The following RPS6KC1 variants were observed in gnomAD, a reference collection of about 807,000 sequenced individuals.
The protein encoded by RPS6KC1 is ribosomal protein S6 kinase C1.
RPS6KC1 carries 54 observed loss-of-function variants against 103.8 expected under a neutral mutation model. The observed-to-expected ratio is 0.52, with a 90% confidence interval of 0.42 to 0.65. The LOEUF is 0.65. Ranked by LOEUF, RPS6KC1 falls within the 30% of genes least tolerant of loss-of-function variation. RPS6KC1 has a pLI of 0.00. For synonymous variants in RPS6KC1, 439 were observed against 438.7 expected, an observed-to-expected ratio of 1.00 and a Z score of -0.01; for missense variants, 1,151 against 1,253.8, an observed-to-expected ratio of 0.92 and a Z score of 1.24.
At chr1:213,183,958 G>C (rs1271671051) in intron 8 of RPS6KC1, among the ~76,000 whole-genome samples, 1 of 152,058 alleles carries the variant, frequency 6.6e-6, no homozygotes, top group Non-Finnish European at 1.5e-5. Flanking sequence ...ACATCAAAAG[G>C]ATAACAAGGG....
the RPS6KC1 span, among the ~76,000 whole-genome samples, chr1:213,376,057 T>C: frequency 6.3e-4 from 96 of 151,672 alleles, no homozygotes; most frequent in South Asian, 4.2e-4. Context: ...CCAGCCATAT[T>C]GTGTATAATG....
the RPS6KC1 span, among the ~76,000 whole-genome samples, chr1:213,422,401 A>G: frequency 6.6e-6 from 1 of 152,194 alleles, no homozygotes; most frequent in Non-Finnish European, 1.5e-5. Context: ...TCATCTGTCA[A>G]TGAATATCTG....
the RPS6KC1 span, among the ~76,000 whole-genome samples, chr1:213,387,983 G>C: frequency 6.6e-6 from 1 of 152,226 alleles, no homozygotes; most frequent in East Asian, 1.9e-4. Flanking sequence ...ACCTCAGTGT[G>C]AGGAACTGAC....
At chr1:213,790,047 A>G in the RPS6KC1 span, among the ~76,000 whole-genome samples, 1 of 152,198 alleles carries the variant, frequency 6.6e-6, no homozygotes, top group African/African-American at 2.4e-5. Context: ...TTAAGCATCC[A>G]GCCTAATCAC....
At chr1:213,489,233 GGAA>G in the RPS6KC1 span, among the ~76,000 whole-genome samples, 1 of 152,162 alleles carries the variant, frequency 6.6e-6, no homozygotes, top group African/African-American at 2.4e-5. Flanking sequence ...AGGGCTGCTG[GGAA>G]GAAGGAGAAT....
Position 213,241,988 on chromosome 1 carries a change from T to G in RPS6KC1, c.2512T>G (p.Leu838Val). ...TGAATATATTGCAAGCACAGACACT[T>G]TAAAAACAGAAGAAGTATTGCTGTT... ...ANEYIASTDT[L>V]KTEEVLLFTD... Residue 838 changes from leucine to valine, a missense_variant, in exon 11 of 15, where the codon TTA (leucine) becomes GTA (valine). Coordinates refer to ENST00000366960, the MANE Select transcript of RPS6KC1 (RefSeq NM_012424.6). 1 of 1,614,032 alleles carries G rather than the reference T, an allele frequency of 6.2e-7. No homozygotes were observed. Among genetic ancestry groups the G allele is most frequent in the Non-Finnish European group, 8.5e-7 (1 of 1,179,958 alleles).
chr1:213,344,373 G>T, the RPS6KC1 span, among the ~76,000 whole-genome samples: 2 of 152,134 alleles, frequency 1.3e-5, no homozygotes, highest in Non-Finnish European at 2.9e-5. Flanking sequence ...AAAGATAAAA[G>T]AAGAGAATTT....
intron 8 of RPS6KC1, among the ~76,000 whole-genome samples, chr1:213,184,377 A>T (rs75859934): frequency 0.028 from 4,337 of 152,192 alleles, 92 homozygotes; most frequent in Middle Eastern, 0.095. Context: ...AATTAATTCT[A>T]TACCATGAAT....
chr1:213,423,687 G>A, the RPS6KC1 span, among the ~76,000 whole-genome samples: 1 of 152,076 alleles, frequency 6.6e-6, no homozygotes, highest in Non-Finnish European at 1.5e-5. Flanking sequence ...TTAGTTCCAA[G>A]TGTTAGCAAA....
At chr1:213,622,318 G>A in the RPS6KC1 span, among the ~76,000 whole-genome samples, 1 of 149,828 alleles carries the variant, frequency 6.7e-6, no homozygotes, top group Admixed American at 6.7e-5. Flanking sequence ...TTTGCCAGTC[G>A]TGGAGGCCAG....
chr1:213,158,585 C>G (rs2090154572), intron 6 of RPS6KC1, among the ~76,000 whole-genome samples: 1 of 152,154 alleles, frequency 6.6e-6, no homozygotes, highest in Non-Finnish European at 1.5e-5. Flanking sequence ...ATTGTACTTA[C>G]AAATGGAGTA....
the RPS6KC1 span, among the ~76,000 whole-genome samples, chr1:213,564,047 T>C: frequency 3.3e-5 from 5 of 151,812 alleles, no homozygotes; most frequent in African/African-American, 1.2e-4. Context: ...ATAATAGTTC[T>C]TGCATTTATT....
At chr1:213,170,347 C>T (rs1165131337) in intron 7 of RPS6KC1, among the ~76,000 whole-genome samples, 1 of 152,102 alleles carries the variant, frequency 6.6e-6, no homozygotes, top group East Asian at 1.9e-4. Flanking sequence ...GAGAATAAAA[C>T]AGAAGAGATC....
At chr1:213,506,617 C>T in the RPS6KC1 span, among the ~76,000 whole-genome samples, 1 of 152,192 alleles carries the variant, frequency 6.6e-6, no homozygotes, top group African/African-American at 2.4e-5. Flanking sequence ...AATATAAACG[C>T]CTCTCTGTTT....
the RPS6KC1 span, among the ~76,000 whole-genome samples, chr1:213,720,155 C>G: frequency 6.6e-6 from 1 of 152,194 alleles, no homozygotes; most frequent in Admixed American, 6.5e-5. Flanking sequence ...CTCAAAGTCA[C>G]ATGAAATCAC....
intron 6 of RPS6KC1, among the ~76,000 whole-genome samples, chr1:213,136,518 G>A (rs913205618): frequency 3.3e-5 from 5 of 151,806 alleles, no homozygotes; most frequent in Admixed American, 2.0e-4. Context: ...TGGCCCAACA[G>A]TGCCGTTTAT....
the RPS6KC1 span, among the ~76,000 whole-genome samples, chr1:213,445,053 G>C: frequency 6.6e-6 from 1 of 151,612 alleles, no homozygotes; most frequent in African/African-American, 2.4e-5. Flanking sequence ...TCACCAATCT[G>C]CTTTGACTCT....
the RPS6KC1 span, among the ~76,000 whole-genome samples, chr1:213,283,474 G>A: frequency 6.6e-6 from 1 of 152,150 alleles, no homozygotes; most frequent in Non-Finnish European, 1.5e-5. Flanking sequence ...AGAGAGAGAA[G>A]GAAGCAATAG....
At chr1:213,476,280 G>A in the RPS6KC1 span, among the ~76,000 whole-genome samples, 2 of 152,142 alleles carry the variant, frequency 1.3e-5, no homozygotes, top group Non-Finnish European at 2.9e-5. Flanking sequence ...TTCCTCTGGA[G>A]CCCTTGTTTC....
Sources: allele counts gnomAD v4.1 joint callset (sites outside exome capture counted in the v4.1 genomes callset), GRCh38; gene constraint gnomAD v4.1.1; transcripts MANE v1.5; gene names NCBI Gene and HGNC (gene_info 2026-07-23, HGNC 2026-07-21).